PPP2R3A: variants seen among roughly 807,000 people sequenced by gnomAD.
The protein encoded by PPP2R3A is serine/threonine-protein phosphatase 2A regulatory subunit B'' subunit alpha.
In PPP2R3A, 80 loss-of-function variants were observed where a neutral mutation model predicts 106.9. That is an observed-to-expected ratio of 0.75 (90% confidence interval 0.62 to 0.90). The LOEUF (loss-of-function observed/expected upper bound fraction) is 0.90. Among genes scored for constraint, PPP2R3A ranks in the 40% least tolerant of loss-of-function variants. The pLI is 0.00. For missense variants in PPP2R3A, 1,386 were observed against 1,350.4 expected, an observed-to-expected ratio of 1.03 and a Z score of -0.41; for synonymous variants, 483 against 468.3, an observed-to-expected ratio of 1.03 and a Z score of -0.41.
chr3:136,121,595 AAAAG>A (rs1172981542), intron 13 of PPP2R3A, among the ~76,000 whole-genome samples: 1 of 152,344 alleles, frequency 6.6e-6, no homozygotes, highest in Non-Finnish European at 1.5e-5. Flanking sequence ...TAAAAGTTGA[AAAAG>A]AAAAAAGAAC....
chr3:136,055,995 C>T (rs1182110777), intron 5 of PPP2R3A, among the ~76,000 whole-genome samples: 1 of 152,166 alleles, frequency 6.6e-6, no homozygotes, highest in Non-Finnish European at 1.5e-5. Context: ...AGGCCAACAT[C>T]AGCAGTCATC....
At chr3:136,022,107 T>A (rs910396322) in intron 2 of PPP2R3A, among the ~76,000 whole-genome samples, 4 of 152,154 alleles carry the variant, frequency 2.6e-5, no homozygotes, top group African/African-American at 9.7e-5. Context: ...ATAGGTATTT[T>A]AAAAATCTTA....
chr3:136,089,919 G>A (rs896213419), intron 9 of PPP2R3A, among the ~76,000 whole-genome samples: 13 of 151,970 alleles, frequency 8.6e-5, no homozygotes, highest in African/African-American at 3.1e-4. Flanking sequence ...GAATGCTATT[G>A]GTGTATTGAA....
At chr3:136,090,806 G>T in intron 10 of PPP2R3A, 139 bp downstream of exon 10, 1 of 623,674 alleles carries the variant, frequency 1.6e-6, no homozygotes. Context: ...CTGCCGTCTC[G>T]GAGCTCTCCG....
chr3:135,986,161 C>G (rs1394467056), intron 1 of PPP2R3A, among the ~76,000 whole-genome samples: 1 of 151,964 alleles, frequency 6.6e-6, no homozygotes. Flanking sequence ...AGTTCAGTTT[C>G]CATTTAAATA....
intron 6 of PPP2R3A, 74 bp from the exon 7 acceptor site, chr3:136,078,293 C>G: frequency 9.9e-7 from 1 of 1,005,240 alleles, no homozygotes. Flanking sequence ...CAAGTATGTT[C>G]ATAAAATGGC....
intron 1 of PPP2R3A, among the ~76,000 whole-genome samples, chr3:135,999,075 A>G (rs11928518): frequency 0.012 from 1,901 of 152,188 alleles, 41 homozygotes; most frequent in African/African-American, 0.044. Flanking sequence ...AACATTGAGC[A>G]CTCCGAAGAC....
chr3:136,044,570 CAAAAAAAAA>C (rs1247139572), intron 4 of PPP2R3A, among the ~76,000 whole-genome samples: 14 of 76,084 alleles, frequency 1.8e-4, no homozygotes, highest in African/African-American at 2.4e-4. Context: ...GACCCTGTCT[CAAAAAAAAA>C]AAAAAAAAAA....
chr3:135,986,975 G>A (rs1932948702), intron 1 of PPP2R3A, among the ~76,000 whole-genome samples: 1 of 151,904 alleles, frequency 6.6e-6, no homozygotes, highest in African/African-American at 2.4e-5. Flanking sequence ...TTTAACTAAA[G>A]CCAGTCAGAC....
intron 13 of PPP2R3A, among the ~76,000 whole-genome samples, chr3:136,138,983 G>A (rs1024829649): frequency 1.3e-5 from 2 of 151,944 alleles, no homozygotes; most frequent in African/African-American, 2.4e-5. Context: ...AAAGTGCTGG[G>A]ATTACAGGCA....
intron 13 of PPP2R3A, among the ~76,000 whole-genome samples, chr3:136,128,064 A>C (rs537793117): frequency 1.0e-3 from 152 of 152,340 alleles, no homozygotes; most frequent in Non-Finnish European, 1.6e-3. Flanking sequence ...AAAACATGCC[A>C]AATTTTAAAG....
intron 5 of PPP2R3A, among the ~76,000 whole-genome samples, chr3:136,050,038 T>G (rs761776075): frequency 4.6e-4 from 70 of 152,286 alleles, no homozygotes; most frequent in Non-Finnish European, 8.7e-4. Context: ...CTAAATGTAC[T>G]CTAGTGTGGG....
intron 1 of PPP2R3A, among the ~76,000 whole-genome samples, chr3:136,000,440 A>G (rs2107786345): frequency 6.6e-6 from 1 of 152,326 alleles, no homozygotes; most frequent in Non-Finnish European, 1.5e-5. Context: ...ATGCAGAGAG[A>G]GAGATATCCA....
At chr3:136,037,377 A>G (rs936932366) in intron 3 of PPP2R3A, among the ~76,000 whole-genome samples, 12 of 152,258 alleles carry the variant, frequency 7.9e-5, no homozygotes, top group Non-Finnish European at 1.3e-4. Context: ...AAATGAAAGC[A>G]ACTTAGGAAC....
Position 136,145,069 on chromosome 3 carries a change from C to G in PPP2R3A, c.3356C>G (p.Pro1119Arg), listed in dbSNP as rs1939060115. The G allele has an allele frequency of 1.9e-6, 3 of 1,612,630 alleles. No individual in the cohort carries two copies. Among genetic ancestry groups the G allele is most frequent in the Non-Finnish European group, 2.5e-6 (3 of 1,179,510 alleles). Residue 1119 changes from proline to arginine, a missense_variant, in exon 14 of 14, where the codon CCT becomes CGT. Physicochemically the swap from Pro to Arg is moderately radical, Grantham distance 103. Transcript: ENST00000264977. ...TTTGAAGATTATGAAACAGATGAACCTGCCTCTCCCTCTGAATTTGGAAAC... is the reference window on the plus strand; with the variant it reads ...TTTGAAGATTATGAAACAGATGAACGTGCCTCTCCCTCTGAATTTGGAAAC... ...EGFEDYETDE[P>R]ASPSEFGNKS... is the part of the protein sequence containing the mutation.
intron 13 of PPP2R3A, among the ~76,000 whole-genome samples, chr3:136,112,747 G>T (rs559038778): frequency 6.6e-6 from 1 of 152,130 alleles, no homozygotes; most frequent in Non-Finnish European, 1.5e-5. Flanking sequence ...TTGTTAACAT[G>T]GGCATACTAC....
chr3:136,114,225 A>G (rs1937652715), intron 13 of PPP2R3A, among the ~76,000 whole-genome samples: 2 of 151,826 alleles, frequency 1.3e-5, no homozygotes, highest in African/African-American at 4.8e-5. Flanking sequence ...GGAATGGTAC[A>G]CTCCGGCCAG....
intron 6 of PPP2R3A, among the ~76,000 whole-genome samples, chr3:136,078,151 G>C (rs1472857416): frequency 1.3e-5 from 2 of 152,142 alleles, no homozygotes; most frequent in Non-Finnish European, 2.9e-5. Flanking sequence ...TGTGAGCAGA[G>C]AATTTTTTTT....
At chr3:136,028,299 T>C (rs1416160506) in intron 3 of PPP2R3A, among the ~76,000 whole-genome samples, 1 of 152,242 alleles carries the variant, frequency 6.6e-6, no homozygotes, top group African/African-American at 2.4e-5. Context: ...TTAAATGATA[T>C]GTAACTAGAG....
Sources: gnomAD v4.1 joint callset for allele counts (sites outside exome capture counted in the v4.1 genomes callset) on GRCh38, gnomAD v4.1.1 for gene constraint, MANE v1.5 for transcripts, NCBI Gene and HGNC (gene_info 2026-07-23, HGNC 2026-07-21) for gene names.